MCCC2: variants seen among roughly 807,000 people sequenced by gnomAD.
MCCC2 encodes the protein methylcrotonoyl-CoA carboxylase beta chain, mitochondrial.
MCCC2 carries 52 observed loss-of-function variants against 77.2 expected under a neutral mutation model. The ratio of observed to expected loss-of-function variants is 0.67; its 90% CI spans 0.54 to 0.85. MCCC2 has a LOEUF of 0.85. MCCC2 is among the 40% of genes least tolerant of loss of function. The pLI is 0.00. For missense variants in MCCC2, 682 were observed against 703.2 expected, an observed-to-expected ratio of 0.97 and a Z score of 0.34; for synonymous variants, 253 against 248.4, an observed-to-expected ratio of 1.02 and a Z score of -0.18.
At chr5:71,589,646 T>C (rs1199225854) in intron 1 of MCCC2, among the ~76,000 whole-genome samples, 1 of 152,238 alleles carries the variant, frequency 6.6e-6, no homozygotes, top group Non-Finnish European at 1.5e-5. Flanking sequence ...TGATCCAGTT[T>C]AGCTGTGTTT....
chr5:71,635,327 G>C (rs1297430156), intron 10 of MCCC2, 81 bp downstream of exon 10: 14 of 1,227,218 alleles, frequency 1.1e-5, no homozygotes, highest in Non-Finnish European at 1.7e-5. Context: ...GCTAAAGTTT[G>C]TTAAGATATG....
chr5:71,641,106 A>G (rs911673529), intron 11 of MCCC2, 31 bp downstream of exon 11: 28 of 1,579,124 alleles, frequency 1.8e-5, no homozygotes, highest in Non-Finnish European at 2.4e-5. Flanking sequence ...AAATACGAAC[A>G]TTTTCTGCTG....
intron 4 of MCCC2, among the ~76,000 whole-genome samples, chr5:71,601,991 T>C (rs1416820872): frequency 6.6e-6 from 1 of 152,234 alleles, no homozygotes; most frequent in Non-Finnish European, 1.5e-5. Context: ...TATTTTAGAC[T>C]ACATTTAGTT....
Position 71,649,113 on chromosome 5 carries a change from AG to A in MCCC2, c.1234del (p.Glu412SerfsTer26), listed in dbSNP as rs1747357327. ...TTCTCTCAGGATTTATGGTTGGTAGAGAGTATGAAGCTGAAGGAATTGCCAA... is the reference window on the plus strand; with the variant it reads ...TTCTCTCAGGATTTATGGTTGGTAGAAGTATGAAGCTGAAGGAATTGCCAA... ...QNITGFMVGR[E>X]YEAEGIAKDG... On this transcript the variant is annotated frameshift_variant, in exon 14 of 17. Coordinates refer to ENST00000340941, the MANE Select transcript of MCCC2 (RefSeq NM_022132.5). LOFTEE classifies it high-confidence loss of function. The A allele has an allele frequency of 6.2e-7, 1 of 1,614,098 alleles. No homozygotes were observed. The highest frequency in any genetic ancestry group is 1.7e-5 in the Admixed American group (1 of 60,010).
intron 6 of MCCC2, among the ~76,000 whole-genome samples, chr5:71,621,551 G>A (rs949615535): frequency 6.6e-6 from 1 of 152,094 alleles, no homozygotes; most frequent in African/African-American, 2.4e-5. Flanking sequence ...CTGTGTTTGT[G>A]CCACTGCACT....
chr5:71,646,302 G>A lies in MCCC2; in HGVS notation c.1216+25G>A, dbSNP rs769904396. The A allele has an allele frequency of 1.7e-5, 27 of 1,604,308 alleles. 1 individual carries two copies. The South Asian group carries it at 3.0e-4, about 18-fold the overall frequency. ...GGTAAGAAAATAGCTTAATCAGTTT[G>A]GTTGTATTGATTCCAGAGCTGTACC... On this transcript the variant is annotated intron_variant, in intron 13 of 16. Transcript: ENST00000340941.
intron 16 of MCCC2, 100 bp from the exon 17 acceptor site, chr5:71,656,643 A>G: frequency 1.1e-6 from 1 of 885,502 alleles, no homozygotes; most frequent in East Asian, 2.4e-5. Context: ...AGATCCATAT[A>G]TTACCTGAAG....
At chr5:71,613,138 A>C (rs1423224120) in intron 6 of MCCC2, among the ~76,000 whole-genome samples, 2 of 152,250 alleles carry the variant, frequency 1.3e-5, no homozygotes, top group African/African-American at 2.4e-5. Flanking sequence ...CCACCCAGGT[A>C]ATCCACAAGA....
chr5:71,656,758 G>T lies in MCCC2; in HGVS notation c.1590G>T (p.Gly530=), dbSNP rs1288279833. Residue 530 remains glycine, a synonymous_variant, in exon 17 of 17, where the codon GGG becomes GGT. Transcript: ENST00000340941. ...CTTTTGTCAGGGTATGGGATGATGGGATCATTGATCCAGCAGACACCAGAC... is the reference window on the plus strand; with the variant it reads ...CTTTTGTCAGGGTATGGGATGATGGTATCATTGATCCAGCAGACACCAGAC... The part of the protein sequence containing the change: ...YYSSARVWDD[G]IIDPADTRLV... 2.5e-6 allele frequency: 4 copies of T among 1,613,688 alleles called. No individual in the cohort carries two copies. Among genetic ancestry groups the T allele is most frequent in the African/African-American group, 1.3e-5 (1 of 74,906 alleles).
intron 6 of MCCC2, among the ~76,000 whole-genome samples, chr5:71,607,826 G>A (rs972937977): frequency 6.8e-5 from 10 of 147,404 alleles, no homozygotes; most frequent in South Asian, 2.2e-4. Context: ...CCTTCATTTC[G>A]TTATGTACCC....
chr5:71,650,703 C>T (rs991249416), intron 15 of MCCC2, among the ~76,000 whole-genome samples: 3 of 152,052 alleles, frequency 2.0e-5, no homozygotes, highest in African/African-American at 4.8e-5. Context: ...GGCTGGTGTG[C>T]AGTGGCACGA....
intron 15 of MCCC2, among the ~76,000 whole-genome samples, chr5:71,650,598 G>A (rs1747410253): frequency 6.6e-6 from 1 of 151,846 alleles, no homozygotes. Flanking sequence ...CTGAGAAGCT[G>A]GGATTACAGG....
intron 4 of MCCC2, 105 bp downstream of exon 4, chr5:71,599,865 ATTT>A: frequency 1.1e-6 from 1 of 892,422 alleles, no homozygotes; most frequent in Non-Finnish European, 1.8e-6. Flanking sequence ...TTTGTATGCT[ATTT>A]ATATTATGTA....
At chr5:71,596,496 C>T in intron 3 of MCCC2, 132 bp downstream of exon 3, 1 of 832,276 alleles carries the variant, frequency 1.2e-6, no homozygotes. Context: ...TATTGAGAGC[C>T]TACTATGTGT....
At chr5:71,634,623 G>T (rs1018896990) in intron 8 of MCCC2, among the ~76,000 whole-genome samples, 3 of 152,182 alleles carry the variant, frequency 2.0e-5, no homozygotes, top group Non-Finnish European at 4.4e-5. Flanking sequence ...TGTCAGCAAG[G>T]CCCCTTGGTC....
Position 71,658,257 on chromosome 5 carries a change from C to T in MCCC2, c.*1397C>T, listed in dbSNP as rs1747635541. On this transcript the variant is annotated 3_prime_UTR_variant, in exon 17 of 17. Transcript: ENST00000340941. ...CTCTCTTTCAGTTCTTTGAACCTTC[C>T]CACCTTAGGGTCTATAAGGTTCCCT... The T allele has an allele frequency of 6.6e-6, 1 of 152,118 alleles. No individual in the cohort carries two copies. The highest frequency in any genetic ancestry group is 2.4e-5 in the African/African-American group (1 of 41,420). The allele number at this position is 152,118 out of a possible 1,614,324, so 9.4% of individuals were successfully genotyped here.
chr5:71,634,993 A>G lies in MCCC2; in HGVS notation c.854A>G (p.His285Arg), dbSNP rs766019504. The G allele has an allele frequency of 6.2e-7, 1 of 1,614,158 alleles. No individual in the cohort carries two copies. Among genetic ancestry groups the G allele is most frequent in the South Asian group, 1.1e-5 (1 of 91,092 alleles). Residue 285 changes from histidine (H) to arginine (R), a missense_variant, in exon 9 of 17, where the codon CAC becomes CGC. Transcript: ENST00000340941. ...HWALDDHHAL[H>R]LTRKVVRNLN... is the part of the protein sequence containing the mutation. The stretch of plus-strand genomic sequence containing the variant: ...GCTTTGGATGATCATCATGCCCTTC[A>G]CTTAACTAGGAAGGTTGTGAGGAAT...
intron 7 of MCCC2, among the ~76,000 whole-genome samples, chr5:71,629,131 G>T (rs1746628873): frequency 6.6e-6 from 1 of 151,844 alleles, no homozygotes; most frequent in South Asian, 2.1e-4. Context: ...GCTTTACTGG[G>T]AGGCGGAGGT....
chr5:71,640,878 T>G (rs1747103703), intron 10 of MCCC2, 125 bp from the exon 11 acceptor site: 1 of 793,494 alleles, frequency 1.3e-6, no homozygotes, highest in Non-Finnish European at 2.2e-6. Flanking sequence ...AGTGAGATTT[T>G]CTGTGTAGTG....
Sources: allele counts gnomAD v4.1 joint callset (sites outside exome capture counted in the v4.1 genomes callset), GRCh38; gene constraint gnomAD v4.1.1; transcripts MANE v1.5; gene names NCBI Gene and HGNC (gene_info 2026-07-23, HGNC 2026-07-21).